Variants in ERBB4 observed in about 807,000 individuals in gnomAD.
ERBB4 encodes receptor tyrosine-protein kinase erbB-4.
A neutral mutation model predicts 158.0 loss-of-function variants in ERBB4; 42 were observed. The ratio of observed to expected loss-of-function variants is 0.27; its 90% CI spans 0.21 to 0.34. ERBB4 has a LOEUF of 0.34. Among genes scored for constraint, ERBB4 ranks in the 10% least tolerant of loss-of-function variants. The pLI, the probability that ERBB4 is intolerant of heterozygous loss-of-function variation, is 1.00. For synonymous variants in ERBB4, 583 were observed against 558.7 expected, an observed-to-expected ratio of 1.04 and a Z score of -0.61; for missense variants, 1,333 against 1,624.1, an observed-to-expected ratio of 0.82 and a Z score of 3.08.
intron 1 of ERBB4, among the ~76,000 whole-genome samples, chr2:212,279,408 G>A (rs1019888341): frequency 6.6e-6 from 1 of 151,516 alleles, no homozygotes; most frequent in Non-Finnish European, 1.5e-5. Flanking sequence ...TACACTGAAA[G>A]AGGGTAAAAG....
intron 2 of ERBB4, among the ~76,000 whole-genome samples, chr2:212,119,579 G>A (rs1041923573): frequency 6.6e-6 from 1 of 152,058 alleles, no homozygotes; most frequent in Admixed American, 6.6e-5. Flanking sequence ...TTTATGCCTC[G>A]CTGCTTTCTA....
chr2:211,732,953 C>T (rs1281377704), intron 5 of ERBB4, among the ~76,000 whole-genome samples: 5 of 152,172 alleles, frequency 3.3e-5, no homozygotes, highest in Middle Eastern at 3.4e-3. Flanking sequence ...CTCCAGCCTG[C>T]GTGACTGAGT....
chr2:211,951,565 T>C (rs2080876674), intron 2 of ERBB4, among the ~76,000 whole-genome samples: 1 of 152,154 alleles, frequency 6.6e-6, no homozygotes, highest in Admixed American at 6.6e-5. Context: ...TTTGAATTAA[T>C]TGTGTTGTAA....
chr2:211,392,558 CCA>C (rs5838261), intron 25 of ERBB4, among the ~76,000 whole-genome samples: 10,578 of 140,836 alleles, frequency 0.075, 530 homozygotes, highest in African/African-American at 0.15. Flanking sequence ...CTCTCTTACT[CCA>C]CACACACACA....
At chr2:211,889,608 G>A (rs1392550944) in intron 3 of ERBB4, among the ~76,000 whole-genome samples, 9 of 149,418 alleles carry the variant, frequency 6.0e-5, no homozygotes, top group African/African-American at 7.5e-5. Context: ...AAATTACTCC[G>A]AGCTACGGGA....
At chr2:211,604,391 A>G (rs1382724667) in intron 19 of ERBB4, among the ~76,000 whole-genome samples, 1 of 152,192 alleles carries the variant, frequency 6.6e-6, no homozygotes, top group Non-Finnish European at 1.5e-5. Flanking sequence ...ACTGTTCCTT[A>G]TCAAATACTG....
intron 1 of ERBB4, among the ~76,000 whole-genome samples, chr2:212,178,218 GA>G (rs2125685213): frequency 6.6e-6 from 1 of 151,862 alleles, no homozygotes; most frequent in Admixed American, 6.6e-5. Flanking sequence ...TAGGGGTGTG[GA>G]AGGTGATATA....
rs562881556 is a variant in ERBB4 at position 212,205,130 on chromosome 2, GAGAC to G, written c.83-80231_83-80228del. On this transcript the variant is annotated intron_variant, in intron 1 of 27. Transcript: ENST00000342788. ...ACCGTGCCTGGCCAACTTCCAGACA[GAGAC>G]AGACAGACAGACAGACAGACAGATA... Among the ~76,000 whole-genome samples the G allele has an allele frequency of 1.0e-3, 159 of 151,916 alleles. 1 individual carries two copies. The highest frequency in any genetic ancestry group is 2.5e-3 in the South Asian group (12 of 4,814).
intron 3 of ERBB4, among the ~76,000 whole-genome samples, chr2:211,791,775 G>C (rs560782018): frequency 6.6e-6 from 1 of 151,762 alleles, no homozygotes; most frequent in Admixed American, 6.6e-5. Context: ...ACATGACATC[G>C]ATGAAAAAAG....
chr2:211,812,104 G>T (rs887595357), intron 3 of ERBB4, among the ~76,000 whole-genome samples: 2 of 152,156 alleles, frequency 1.3e-5, no homozygotes, highest in Non-Finnish European at 2.9e-5. Context: ...AGGAGAAGAC[G>T]CGCTCTGCTT....
rs540996814 is a variant in ERBB4, at chr2:211,624,187, C to T, written c.2080-143G>A. 1.3e-5 allele frequency: 11 copies of T among 868,098 alleles called. 1 individual carries two copies. The highest frequency in any genetic ancestry group is 4.9e-4 in the Middle Eastern group (2 of 4,070). The allele number at this position is 868,098 out of a possible 1,614,324, so 53.8% of individuals were successfully genotyped here. A position where few individuals can be genotyped will look rare whatever the true frequency, so the allele number is the denominator to read the frequency against. On this transcript the variant is annotated intron_variant, in intron 17 of 27. Transcript: ENST00000342788. ...GGTTTGCCTTGACAACCAATACCTT[C>T]GTAATATGCACCACTCACCATTCAC...
intron 1 of ERBB4, among the ~76,000 whole-genome samples, chr2:212,209,110 A>C (rs1266867480): frequency 6.6e-6 from 1 of 152,108 alleles, no homozygotes; most frequent in Non-Finnish European, 1.5e-5. Context: ...CTGACCTCAT[A>C]ATTTCTTCAC....
At chr2:211,523,885 G>A (rs894068030) in intron 20 of ERBB4, among the ~76,000 whole-genome samples, 2 of 152,040 alleles carry the variant, frequency 1.3e-5, no homozygotes, top group African/African-American at 4.8e-5. Context: ...AGAGCCGAGT[G>A]GTCTGTTTTG....
intron 1 of ERBB4, among the ~76,000 whole-genome samples, chr2:212,418,446 C>T (rs538891000): frequency 6.6e-6 from 1 of 151,404 alleles, no homozygotes; most frequent in East Asian, 1.9e-4. Context: ...GTGTTCTCCA[C>T]CTGCTAAGAG....
At chr2:211,767,804 AT>A (rs2075589897) in intron 4 of ERBB4, among the ~76,000 whole-genome samples, 1 of 152,158 alleles carries the variant, frequency 6.6e-6, no homozygotes, top group South Asian at 2.1e-4. Flanking sequence ...GGGAACTACA[AT>A]TCAAGACGAG....
chr2:212,007,850 T>C (rs1405504849), intron 2 of ERBB4, among the ~76,000 whole-genome samples: 1 of 151,976 alleles, frequency 6.6e-6, no homozygotes, highest in African/African-American at 2.4e-5. Context: ...TAAAAAAATT[T>C]AAACATAATT....
chr2:211,694,561 CTT>C lies in ERBB4; in HGVS notation c.1489+7404_1489+7405del, dbSNP rs58556416. 4.9e-3 allele frequency among the ~76,000 whole-genome samples: 731 copies of C among 148,446 alleles called. 2 individuals are homozygous for C. Among genetic ancestry groups the C allele is most frequent in the African/African-American group, 0.017 (690 of 40,524 alleles). Reference sequence around the variant, plus strand: ...ACAATAACAAAATCTTACTTGAATGCTTTTTTTTTTTTACAAAGAACAGTGTA... The same window carrying C: ...ACAATAACAAAATCTTACTTGAATGCTTTTTTTTTTACAAAGAACAGTGTA... On this transcript the variant is annotated intron_variant, in intron 12 of 27. Transcript: ENST00000342788.
At chr2:212,328,954 T>G (rs17419114) in intron 1 of ERBB4, among the ~76,000 whole-genome samples, 1 of 152,158 alleles carries the variant, frequency 6.6e-6, no homozygotes, top group East Asian at 1.9e-4. Context: ...CTGAACATGA[T>G]ATTTGATAAC....
At chr2:212,508,230 G>A (rs890416766) in intron 1 of ERBB4, among the ~76,000 whole-genome samples, 1 of 152,090 alleles carries the variant, frequency 6.6e-6, no homozygotes, top group African/African-American at 2.4e-5. Context: ...TTATATGTGT[G>A]GGGAAAAAAT....
Sources: allele counts gnomAD v4.1 joint callset (sites outside exome capture counted in the v4.1 genomes callset), GRCh38; gene constraint gnomAD v4.1.1; transcripts MANE v1.5; gene names NCBI Gene and HGNC (gene_info 2026-07-23, HGNC 2026-07-21).